LCLAT1: variants seen among roughly 807,000 people sequenced by gnomAD.
LCLAT1 encodes lysocardiolipin acyltransferase 1.
A neutral mutation model predicts 30.7 loss-of-function variants in LCLAT1; 11 were observed. That is an observed-to-expected ratio of 0.36 (90% confidence interval 0.23 to 0.59). The LOEUF is 0.59. Among genes scored for constraint, LCLAT1 ranks in the 20% least tolerant of loss-of-function variants. The pLI, the probability that LCLAT1 is intolerant of heterozygous loss-of-function variation, is 0.77. For missense variants in LCLAT1, 402 were observed against 458.6 expected (o/e 0.88, Z 1.13); for synonymous variants, 155 against 151.3 (o/e 1.02, Z -0.18).
rs1669333825 is a variant in LCLAT1 at position 30,641,910 on chromosome 2, T to TTTTTG, written c.*1295_*1296insGTTTT. 1 of 149,764 alleles carries TTTTTG rather than the reference T, an allele frequency of 6.7e-6. No homozygotes were observed. The highest frequency in any genetic ancestry group is 1.5e-5 in the Non-Finnish European group (1 of 67,206). 9.3% of individuals were successfully genotyped at this position (149,764 alleles called of 1,614,324 possible). The stretch of plus-strand genomic sequence containing the variant: ...CACTTTTTTTTCTTTTTTTTTTTCT[T>TTTTTG]TTTTTTTTTGTCGTGTAAGAAGGAT... On this transcript the variant is annotated 3_prime_UTR_variant, in exon 6 of 6. Transcript: ENST00000379509.
intron 5 of LCLAT1, among the ~76,000 whole-genome samples, chr2:30,580,839 C>G (rs758781610): frequency 6.6e-6 from 1 of 152,128 alleles, no homozygotes; most frequent in Non-Finnish European, 1.5e-5. Context: ...TCGTTCCCTT[C>G]TTAGTATTCT....
At chr2:30,490,385 T>G (rs1403008630) in intron 1 of LCLAT1, among the ~76,000 whole-genome samples, 5 of 151,950 alleles carry the variant, frequency 3.3e-5, no homozygotes, top group Non-Finnish European at 7.4e-5. Context: ...TGTATTTTTT[T>G]TAGTAGAGAC....
intron 5 of LCLAT1, among the ~76,000 whole-genome samples, chr2:30,629,710 C>G (rs1165567100): frequency 6.6e-6 from 1 of 152,084 alleles, no homozygotes; most frequent in Non-Finnish European, 1.5e-5. Flanking sequence ...GTAGCTAAAG[C>G]CTGTTAAGGT....
At chr2:30,633,971 G>T (rs568716246) in intron 5 of LCLAT1, among the ~76,000 whole-genome samples, 1 of 152,168 alleles carries the variant, frequency 6.6e-6, no homozygotes, top group Non-Finnish European at 1.5e-5. Context: ...AGTGAGCTGG[G>T]ACTCTTATAA....
intron 5 of LCLAT1, among the ~76,000 whole-genome samples, chr2:30,581,963 T>G (rs375210701): frequency 1.2e-4 from 18 of 152,246 alleles, no homozygotes; most frequent in Non-Finnish European, 2.1e-4. Flanking sequence ...CAGTTACTGA[T>G]CTGATCATTA....
intron 5 of LCLAT1, among the ~76,000 whole-genome samples, chr2:30,595,159 C>A (rs945827466): frequency 6.6e-6 from 1 of 152,116 alleles, no homozygotes; most frequent in African/African-American, 2.4e-5. Context: ...TTTCTTATCA[C>A]TGAAACTCTC....
intron 4 of LCLAT1, among the ~76,000 whole-genome samples, chr2:30,566,808 TG>T (rs1297806777): frequency 6.6e-6 from 1 of 152,218 alleles, no homozygotes; most frequent in Non-Finnish European, 1.5e-5. Flanking sequence ...TGGTTCTTCT[TG>T]GAACTTGTAA....
At chr2:30,447,837 G>T (rs955137160) in intron 1 of LCLAT1, among the ~76,000 whole-genome samples, 1 of 152,206 alleles carries the variant, frequency 6.6e-6, no homozygotes, top group Non-Finnish European at 1.5e-5. Flanking sequence ...ACCACGTGCG[G>T]GGCTTCGACG....
At chr2:30,563,730 A>G (rs1241767429) in intron 4 of LCLAT1, among the ~76,000 whole-genome samples, 1 of 152,256 alleles carries the variant, frequency 6.6e-6, no homozygotes, top group Non-Finnish European at 1.5e-5. Context: ...CATACTGTGC[A>G]CATAATAATT....
intron 1 of LCLAT1, among the ~76,000 whole-genome samples, chr2:30,455,728 G>A (rs985631067): frequency 2.6e-5 from 4 of 151,894 alleles, no homozygotes; most frequent in Admixed American, 2.6e-4. Context: ...GGAACACAGG[G>A]AGGCCCTGAC....
At chr2:30,535,331 A>T (rs1686191140) in intron 3 of LCLAT1, among the ~76,000 whole-genome samples, 1 of 152,168 alleles carries the variant, frequency 6.6e-6, no homozygotes. Flanking sequence ...GAGTACTAAG[A>T]GTGGGGAGAA....
intron 3 of LCLAT1, among the ~76,000 whole-genome samples, chr2:30,547,644 T>A (rs1482782242): frequency 2.0e-5 from 3 of 152,042 alleles, no homozygotes; most frequent in Non-Finnish European, 4.4e-5. Flanking sequence ...CAGTATTGTG[T>A]TAGCACATGA....
intron 5 of LCLAT1, among the ~76,000 whole-genome samples, chr2:30,586,241 CAAA>C (rs148993331): frequency 3.9e-5 from 3 of 77,762 alleles, no homozygotes; most frequent in Non-Finnish European, 8.1e-5. Flanking sequence ...GACTCCGTCT[CAAA>C]AAAAAAAAAA....
intron 1 of LCLAT1, among the ~76,000 whole-genome samples, chr2:30,496,419 C>T (rs985591322): frequency 1.3e-5 from 2 of 152,106 alleles, no homozygotes; most frequent in Admixed American, 6.5e-5. Flanking sequence ...AGTTTCTGGG[C>T]GTCTTTCTTC....
chr2:30,623,803 A>G (rs1052092488), intron 5 of LCLAT1, among the ~76,000 whole-genome samples: 1 of 152,208 alleles, frequency 6.6e-6, no homozygotes, highest in Admixed American at 6.5e-5. Flanking sequence ...GCCTAGGCAC[A>G]TAGTCATCAG....
intron 1 of LCLAT1, among the ~76,000 whole-genome samples, chr2:30,455,497 C>T (rs941630996): frequency 1.4e-4 from 22 of 152,190 alleles, no homozygotes; most frequent in Admixed American, 3.3e-4. Context: ...CTCCTTGCCT[C>T]TTCTAGCTTC....
chr2:30,555,209 T>C (rs959471653), intron 3 of LCLAT1, among the ~76,000 whole-genome samples: 1 of 152,142 alleles, frequency 6.6e-6, no homozygotes, highest in Admixed American at 6.5e-5. Context: ...CTATAGAAAA[T>C]AGCTTTGATA....
intron 4 of LCLAT1, 108 bp downstream of exon 4, chr2:30,562,400 G>T: frequency 1.2e-6 from 1 of 868,086 alleles, no homozygotes; most frequent in East Asian, 2.8e-5. Context: ...TCCAGGTGTG[G>T]TGGTCCATCC....
At chr2:30,472,990 TCTC>T (rs1286209058) in intron 1 of LCLAT1, among the ~76,000 whole-genome samples, 1 of 152,128 alleles carries the variant, frequency 6.6e-6, no homozygotes, top group Non-Finnish European at 1.5e-5. Context: ...CTTTCTGTCT[TCTC>T]TGGAGTTGAA....
Sources: gnomAD v4.1 joint callset for allele counts (sites outside exome capture counted in the v4.1 genomes callset) on GRCh38, gnomAD v4.1.1 for gene constraint, MANE v1.5 for transcripts, NCBI Gene and HGNC (gene_info 2026-07-23, HGNC 2026-07-21) for gene names.